Variants in ZNF334 observed in about 807,000 individuals in gnomAD.
ZNF334 encodes the protein zinc finger protein 334.
Under a neutral mutation model 12.4 loss-of-function variants are expected in ZNF334, and 14 were observed. That is an observed-to-expected ratio of 1.13 (90% CI 0.74 to 1.76). The LOEUF (loss-of-function observed/expected upper bound fraction) is 1.76. Among genes scored for constraint, ZNF334 ranks in the 40% most tolerant of loss-of-function variants. The probability of loss-of-function intolerance (pLI) is 0.00; values close to 1 mark genes in which losing one functional copy is unlikely to be tolerated. For synonymous variants in ZNF334, 273 were observed against 269.6 expected (o/e 1.01, Z -0.12); for missense variants, 797 against 804.5 (o/e 0.99, Z 0.11).
At chr20:46,488,568 T>C in the ZNF334 span, among the ~76,000 whole-genome samples, 5 of 151,608 alleles carry the variant, frequency 3.3e-5, no homozygotes, top group African/African-American at 1.2e-4. Flanking sequence ...ATTTAAGTAA[T>C]AGTAATAAAC....
the ZNF334 span, among the ~76,000 whole-genome samples, chr20:46,488,849 T>G: frequency 2.0e-5 from 3 of 151,968 alleles, no homozygotes; most frequent in African/African-American, 7.3e-5. Context: ...TTCCATTATC[T>G]TTTATGCTTG....
At position 46,501,375 on chromosome 20, in the gene ZNF334, G is replaced by A. The variant is rs1172114287; in HGVS notation, c.1964C>T (p.Pro655Leu). 1 of 1,614,076 alleles carries A rather than the reference G, an allele frequency of 6.2e-7. No homozygotes were observed. Among genetic ancestry groups the A allele is most frequent in the Non-Finnish European group, 8.5e-7 (1 of 1,179,966 alleles). The change falls in exon 5 of 5, where the codon CCT (proline) becomes CTT (leucine). Residue 655 changes from proline (P) to leucine (L), a missense_variant. Pro to Leu is a moderately conservative substitution (Grantham distance 98). Coordinates refer to ENST00000692313, the MANE Select transcript of ZNF334 (RefSeq NM_001353824.2). ...TTTCTCACATTTGTTACATTCATAAGGTTTCTCTCCTGTGTGTATTTTCTG... is the reference window on the plus strand; with the variant it reads ...TTTCTCACATTTGTTACATTCATAAAGTTTCTCTCCTGTGTGTATTTTCTG... ...EHQKIHTGEKPYECNKCEKTF... is the reference protein window; with the variant it reads ...EHQKIHTGEKLYECNKCEKTF...
the ZNF334 span, among the ~76,000 whole-genome samples, chr20:46,477,474 G>A: frequency 6.6e-6 from 1 of 152,112 alleles, no homozygotes; most frequent in African/African-American, 2.4e-5. Context: ...AAGTAGCCTG[G>A]ACTATAGGCA....
At chr20:46,469,259 G>GGCAA in the ZNF334 span, among the ~76,000 whole-genome samples, 6 of 152,142 alleles carry the variant, frequency 3.9e-5, no homozygotes, top group African/African-American at 1.2e-4. Flanking sequence ...AAGTGAGTTA[G>GGCAA]GCAAGTCCAG....
Position 46,503,075 on chromosome 20 carries a change from C to A in ZNF334, c.264G>T (p.Lys88Asn). ...NYPDIDDALEKNKEIQDKHLT... is the reference protein window; with the variant it reads ...NYPDIDDALENNKEIQDKHLT... ...AATGTTTATCTTGGATTTCCTTGTTCTTCTCTAAGGCATCATCAATGTCTA... is the reference window on the plus strand; with the variant it reads ...AATGTTTATCTTGGATTTCCTTGTTATTCTCTAAGGCATCATCAATGTCTA... Residue 88 changes from lysine (K) to asparagine (N), a missense_variant, in exon 5 of 5, where the codon AAG becomes AAT. Physicochemically the swap from Lys to Asn is moderately conservative, Grantham distance 94. Coordinates refer to ENST00000692313, the MANE Select transcript of ZNF334 (RefSeq NM_001353824.2). 6.2e-7 allele frequency: 1 copy of A among 1,606,740 alleles called. No individual in the cohort carries two copies. The highest frequency in any genetic ancestry group is 1.1e-5 in the South Asian group (1 of 89,850).
At chr20:46,464,325 A>G in the ZNF334 span, 1 of 545,046 alleles carries the variant, frequency 1.8e-6, no homozygotes. Context: ...GTGATCCGGC[A>G]TTCTGGGTAG....
At chr20:46,498,322 G>A (rs6065997), downstream of ZNF334, among the ~76,000 whole-genome samples, 3 of 152,194 alleles carry the variant, frequency 2.0e-5, no homozygotes, top group East Asian at 1.9e-4. Flanking sequence ...TAGGTTATAA[G>A]GGAAACTGTG....
At chr20:46,504,909 A>G in intron 2 of ZNF334, 169 bp from the exon 3 acceptor site, 1 of 533,264 alleles carries the variant, frequency 1.9e-6, no homozygotes, top group Non-Finnish European at 3.2e-6. Context: ...TTTTAAAATG[A>G]ATTTTAAAAA....
At chr20:46,475,104 A>G in the ZNF334 span, among the ~76,000 whole-genome samples, 7 of 152,254 alleles carry the variant, frequency 4.6e-5, no homozygotes, top group South Asian at 4.1e-4. Flanking sequence ...TACTTGGCAT[A>G]TCTCCTTGGA....
At chr20:46,481,568 T>C in the ZNF334 span, among the ~76,000 whole-genome samples, 14,071 of 152,184 alleles carry the variant, frequency 0.092, 885 homozygotes, top group East Asian at 0.21. Flanking sequence ...CAGTTTGAAG[T>C]TGGACAGCTT....
chr20:46,479,355 C>G, the ZNF334 span, among the ~76,000 whole-genome samples: 2 of 152,130 alleles, frequency 1.3e-5, no homozygotes, highest in Admixed American at 1.3e-4. Flanking sequence ...CCCAGGCCCC[C>G]CAACAGACTG....
chr20:46,489,551 G>A, the ZNF334 span, among the ~76,000 whole-genome samples: 3 of 150,314 alleles, frequency 2.0e-5, no homozygotes, highest in Non-Finnish European at 3.0e-5. Flanking sequence ...CCAGCTACTC[G>A]AGAGGCTGAG....
chr20:46,501,472 T>C lies in ZNF334; in HGVS notation c.1867A>G (p.Thr623Ala), dbSNP rs780968483. The C allele has an allele frequency of 6.2e-7, 1 of 1,614,152 alleles. No individual in the cohort carries two copies. ...SAFRVHRRIH[T>A]GEKPYECNQC... ...TTACATTCATATGGTTTCTCTCCTG[T>C]GTGAATTCTTCTATGGACTCTGAAG... Residue 623 changes from threonine to alanine, a missense_variant, in exon 5 of 5, where the codon ACA becomes GCA. Thr to Ala is a moderately conservative substitution (Grantham distance 58). Transcript: ENST00000692313.
Position 46,501,876 on chromosome 20 carries a change from T to A in ZNF334, c.1463A>T (p.His488Leu). ...IHQRTHTGEK[H>L]GVFNKCGRIS... ...TCTACCACATTTATTAAACACACCA[T>A]GTTTCTCTCCTGTGTGTGTTCTCTG... is the stretch of plus-strand genomic sequence containing the variant. Residue 488 changes from histidine to leucine, a missense_variant, in exon 5 of 5, where the codon CAT (histidine) becomes CTT (leucine). By Grantham distance (99) the His-to-Leu change is moderately conservative (BLOSUM62 -3). Transcript: ENST00000692313. The A allele has an allele frequency of 6.2e-7, 1 of 1,610,690 alleles. No individual in the cohort carries two copies. Among genetic ancestry groups the A allele is most frequent in the Admixed American group, 1.7e-5 (1 of 59,786 alleles).
Position 46,501,396 on chromosome 20 carries a change from T to G in ZNF334, c.1943A>C (p.Lys648Thr). The G allele has an allele frequency of 6.2e-7, 1 of 1,613,620 alleles. No homozygotes were observed. The highest frequency in any genetic ancestry group is 8.5e-7 in the Non-Finnish European group (1 of 1,179,822). The change falls in exon 5 of 5, where the codon AAA becomes ACA. Residue 648 changes from lysine to threonine, a missense_variant. By Grantham distance (78) the Lys-to-Thr change is moderately conservative (BLOSUM62 -1). Transcript: ENST00000692313. ...RRLWTLTEHQ[K>T]IHTGEKPYEC... ...ATAAGGTTTCTCTCCTGTGTGTATT[T>G]TCTGATGTTCAGTGAGAGTCCACAG...
chr20:46,491,767 T>C, the ZNF334 span: 2 of 153,036 alleles, frequency 1.3e-5, no homozygotes, highest in South Asian at 4.1e-4. Flanking sequence ...AAAAAGCCTT[T>C]AAATATCGGT....
chr20:46,494,137 G>A, the ZNF334 span, among the ~76,000 whole-genome samples: 1 of 152,174 alleles, frequency 6.6e-6, no homozygotes, highest in African/African-American at 2.4e-5. Flanking sequence ...AAGCTTTCTA[G>A]TATATGCTAA....
chr20:46,489,195 T>C, the ZNF334 span, among the ~76,000 whole-genome samples: 1 of 151,966 alleles, frequency 6.6e-6, no homozygotes, highest in African/African-American at 2.4e-5. Context: ...AGTTGGTAAA[T>C]CTTCTACACA....
At chr20:46,480,685 G>A in the ZNF334 span, among the ~76,000 whole-genome samples, 1 of 152,170 alleles carries the variant, frequency 6.6e-6, no homozygotes, top group Non-Finnish European at 1.5e-5. Context: ...CCTGCAGGTA[G>A]TGAGCTGGGC....
Sources: gnomAD v4.1 joint callset for allele counts (sites outside exome capture counted in the v4.1 genomes callset) on GRCh38, gnomAD v4.1.1 for gene constraint, MANE v1.5 for transcripts, NCBI Gene and HGNC (gene_info 2026-07-23, HGNC 2026-07-21) for gene names.